The following WWOX variants were observed in gnomAD, a reference collection of about 807,000 sequenced individuals.
WWOX encodes WW domain containing oxidoreductase.
WWOX carries 69 observed loss-of-function variants against 46.2 expected under a neutral mutation model. The ratio of observed to expected loss-of-function variants is 1.49; its 90% CI spans 1.23 to 1.82. The LOEUF is 1.82. Ranked by LOEUF, WWOX falls within the 40% of genes most tolerant of loss-of-function variation. The pLI is 0.00. For synonymous variants in WWOX, 359 were observed against 202.6 expected (o/e 1.77, Z -6.56); for missense variants, 919 against 542.6 (o/e 1.69, Z -6.89).
rs564728431 is a variant in WWOX at position 78,200,985 on chromosome 16, A to G, written c.516+36696A>G. Among the ~76,000 whole-genome samples, 14 of 152,356 alleles carry G rather than the reference A, an allele frequency of 9.2e-5. No individual in the cohort carries two copies. The South Asian group carries it at 1.0e-3, about 11-fold the overall frequency. ...ATTTACTTCTGCCTTTTAAATAGAC[A>G]TAGCAAGTCTCTTTACTCTCATGGA... On this transcript the variant is annotated intron_variant, in intron 5 of 8. Coordinates refer to ENST00000566780, the MANE Select transcript of WWOX (RefSeq NM_016373.4).
chr16:78,898,975 A>T (rs2044763526), intron 8 of WWOX: 1 of 152,108 alleles, frequency 6.6e-6, no homozygotes. Context: ...CTGTGATCTT[A>T]AAATTTATTT....
chr16:78,866,587 G>C (rs2044008816), intron 8 of WWOX, among the ~76,000 whole-genome samples: 1 of 152,178 alleles, frequency 6.6e-6, no homozygotes, highest in South Asian at 2.1e-4. Context: ...AATCACTTAA[G>C]TGTTCAGGGC....
At chr16:78,299,489 C>T (rs2080002343) in intron 5 of WWOX, among the ~76,000 whole-genome samples, 1 of 151,768 alleles carries the variant, frequency 6.6e-6, no homozygotes, top group South Asian at 2.1e-4. Context: ...GCTGTGATTT[C>T]AAATTCCATT....
chr16:78,733,707 A>T (rs538040205), intron 8 of WWOX, among the ~76,000 whole-genome samples: 30 of 152,122 alleles, frequency 2.0e-4, no homozygotes, highest in African/African-American at 7.0e-4. Context: ...GTGAGCCGAG[A>T]TCATGCCACT....
chr16:78,826,084 A>G (rs1196409103), intron 8 of WWOX: 1 of 357,020 alleles, frequency 2.8e-6, no homozygotes, highest in Non-Finnish European at 5.0e-6. Flanking sequence ...GTACAAAGAC[A>G]ACCGGGAATG....
intron 8 of WWOX, among the ~76,000 whole-genome samples, chr16:78,558,663 A>C (rs1056849557): frequency 5.3e-5 from 8 of 152,132 alleles, no homozygotes; most frequent in African/African-American, 1.9e-4. Flanking sequence ...TGGTTCTCAT[A>C]GGTCTCCCTG....
chr16:78,805,141 T>C (rs1399706690), intron 8 of WWOX, among the ~76,000 whole-genome samples: 5 of 90,718 alleles, frequency 5.5e-5, no homozygotes, highest in Non-Finnish European at 1.3e-4. Flanking sequence ...AAGGACTAGA[T>C]TGTGAAATGT....
chr16:79,113,846 A>T (rs1278463998), intron 8 of WWOX, among the ~76,000 whole-genome samples: 1 of 152,222 alleles, frequency 6.6e-6, no homozygotes, highest in African/African-American at 2.4e-5. Context: ...GACCCCCTTA[A>T]TGACAATTTG....
chr16:78,272,178 C>T (rs746459986), intron 5 of WWOX, among the ~76,000 whole-genome samples: 7 of 152,136 alleles, frequency 4.6e-5, no homozygotes, highest in Non-Finnish European at 1.0e-4. Context: ...TCTTCTGCCC[C>T]TTGTGGTGTT....
intron 8 of WWOX, among the ~76,000 whole-genome samples, chr16:78,955,449 T>A (rs1008939744): frequency 1.3e-5 from 2 of 152,050 alleles, no homozygotes; most frequent in African/African-American, 4.8e-5. Context: ...CAAAAGAGAT[T>A]CTATTTTTAC....
At chr16:78,379,904 A>G (rs375968206) in intron 5 of WWOX, among the ~76,000 whole-genome samples, 2 of 152,200 alleles carry the variant, frequency 1.3e-5, no homozygotes, top group African/African-American at 2.4e-5. Context: ...TAGGCATGAG[A>G]CGTTGCCTTT....
At chr16:78,547,619 A>G (rs574402618) in intron 8 of WWOX, among the ~76,000 whole-genome samples, 2 of 152,316 alleles carry the variant, frequency 1.3e-5, no homozygotes, top group South Asian at 2.1e-4. Context: ...TCTATTTCTC[A>G]TAGTTCTTGA....
chr16:78,272,072 G>A (rs1228664029), intron 5 of WWOX, among the ~76,000 whole-genome samples: 1 of 152,202 alleles, frequency 6.6e-6, no homozygotes, highest in African/African-American at 2.4e-5. Flanking sequence ...TTTATGTATA[G>A]CCGCATAATA....
chr16:78,397,314 GC>G (rs1362716820), intron 6 of WWOX, among the ~76,000 whole-genome samples: 15 of 152,140 alleles, frequency 9.9e-5, no homozygotes, highest in African/African-American at 3.4e-4. Flanking sequence ...ATATTTATCA[GC>G]TATTTATCAT....
At chr16:78,361,252 TGTG>T (rs1485786014) in intron 5 of WWOX, among the ~76,000 whole-genome samples, 4 of 152,190 alleles carry the variant, frequency 2.6e-5, no homozygotes, top group East Asian at 3.9e-4. Context: ...ATAAAAATGA[TGTG>T]GTGTCTTTCT....
intron 8 of WWOX, among the ~76,000 whole-genome samples, chr16:79,043,324 TA>T (rs995854596): frequency 3.2e-4 from 49 of 152,242 alleles, no homozygotes; most frequent in Admixed American, 1.2e-3. Context: ...AAATTAGGAT[TA>T]AAAAAATGGT....
intron 8 of WWOX, among the ~76,000 whole-genome samples, chr16:79,189,929 G>A (rs982128568): frequency 2.7e-5 from 4 of 149,374 alleles, no homozygotes; most frequent in African/African-American, 9.8e-5. Context: ...GGTATGGGGT[G>A]GGGAAGGGGG....
rs186023475 is a variant in WWOX at position 78,610,739 on chromosome 16, A to G, written c.1056+177987A>G. On this transcript the variant is annotated intron_variant, in intron 8 of 8. Coordinates refer to ENST00000566780, the MANE Select transcript of WWOX (RefSeq NM_016373.4). ...TCTAACTTAGGGATGTATCATAATC[A>G]AACCGTCGGGGCTAATGGCATGGCT... Among the ~76,000 whole-genome samples the G allele has an allele frequency of 3.3e-3, 502 of 152,276 alleles. 4 individuals carry two copies. The highest frequency in any genetic ancestry group is 0.011 in the African/African-American group (467 of 41,556).
At chr16:78,182,061 A>C in intron 5 of WWOX, among the ~76,000 whole-genome samples, 1 of 152,210 alleles carries the variant, frequency 6.6e-6, no homozygotes, top group East Asian at 1.9e-4. Context: ...TGGGGGCCTA[A>C]GCAACGCATC....
Sources: allele counts gnomAD v4.1 joint callset (sites outside exome capture counted in the v4.1 genomes callset), GRCh38; gene constraint gnomAD v4.1.1; transcripts MANE v1.5; gene names NCBI Gene and HGNC (gene_info 2026-07-23, HGNC 2026-07-21).